Variants in PCDHA8 observed in about 807,000 individuals in gnomAD.
PCDHA8 encodes the protein protocadherin alpha 8, also known as protocadherin alpha-8.
Under a neutral mutation model 61.8 loss-of-function variants are expected in PCDHA8, and 53 were observed. The observed-to-expected ratio is 0.86, with a 90% CI of 0.69 to 1.08. The LOEUF is 1.08. PCDHA8 is among the 50% of genes least tolerant of loss of function. PCDHA8 has a pLI of 0.00. For missense variants in PCDHA8, 1,293 were observed against 1,245.0 expected (o/e 1.04, Z -0.58); for synonymous variants, 618 against 556.6 (o/e 1.11, Z -1.55).
At chr5:140,928,836 C>T (rs1554206380) in intron 1 of PCDHA8, 1 of 1,614,168 alleles carries the variant, frequency 6.2e-7, no homozygotes. Context: ...CACTTTCCTC[C>T]TCTGTCACTC....
intron 1 of PCDHA8, chr5:140,968,530 A>G (rs1554230830): frequency 6.2e-7 from 1 of 1,614,174 alleles, no homozygotes; most frequent in East Asian, 2.2e-5. Context: ...CCAACTCGTC[A>G]GCAGCCTTCG....
chr5:140,930,997 A>G (rs1355351475), intron 1 of PCDHA8, among the ~76,000 whole-genome samples: 3 of 152,198 alleles, frequency 2.0e-5, no homozygotes, highest in Admixed American at 1.3e-4. Context: ...GACCTACACT[A>G]ATAACATAAC....
rs1232037230 is a variant in PCDHA8 at position 140,844,720 on chromosome 5, C to T, written c.2394+1005C>T. On this transcript the variant is annotated intron_variant, in intron 1 of 3. Coordinates refer to ENST00000531613, the MANE Select transcript of PCDHA8 (RefSeq NM_018911.3). ...TTGGGATTATCATGGCCCATTAGTTCGTGTAAAAATATTTAGTATTATGGG... is the reference window on the plus strand; with the variant it reads ...TTGGGATTATCATGGCCCATTAGTTTGTGTAAAAATATTTAGTATTATGGG... Among the ~76,000 whole-genome samples the T allele has an allele frequency of 5.4e-5, 8 of 149,304 alleles. 1 individual carries two copies. Among genetic ancestry groups the T allele is most frequent in the East Asian group, 1.9e-4 (1 of 5,172 alleles).
chr5:140,842,020 G>A lies in PCDHA8; in HGVS notation c.699G>A (p.Leu233=). The A allele has an allele frequency of 6.2e-7, 1 of 1,613,768 alleles. No individual in the cohort carries two copies. Among genetic ancestry groups the A allele is most frequent in the South Asian group, 1.1e-5 (1 of 91,076 alleles). The part of the protein sequence containing the change: ...TGTVQLLVTV[L]DVNDNAPTFE... ...CTGTTCAGCTGCTGGTCACAGTGCT[G>A]GATGTGAATGATAATGCTCCCACTT... The change falls in exon 1 of 4, where the codon CTG becomes CTA. Residue 233 remains leucine (L), a synonymous_variant. Coordinates refer to ENST00000531613, the MANE Select transcript of PCDHA8 (RefSeq NM_018911.3).
chr5:140,849,832 C>A lies in PCDHA8; in HGVS notation c.2394+6117C>A, dbSNP rs145333813. On this transcript the variant is annotated intron_variant, in intron 1 of 3. Coordinates refer to ENST00000531613, the MANE Select transcript of PCDHA8 (RefSeq NM_018911.3). ...ACGGCCAGGGTGTCTGTGGAGGTGG[C>A]CGACGTGAACGACAACGCACCAGCG... 3.2e-4 allele frequency: 518 copies of A among 1,598,398 alleles called. 39 individuals carry two copies. In the African/African-American group the frequency reaches 4.3e-3, roughly 13 times the overall value.
At chr5:140,922,825 C>T (rs1554200979) in intron 1 of PCDHA8, among the ~76,000 whole-genome samples, 1 of 152,178 alleles carries the variant, frequency 6.6e-6, no homozygotes, top group Non-Finnish European at 1.5e-5. Context: ...CAGCATACTG[C>T]TAATAGATGT....
chr5:140,865,798 C>T (rs1467476362), intron 1 of PCDHA8: 1 of 152,146 alleles, frequency 6.6e-6, no homozygotes, highest in East Asian at 1.9e-4. Context: ...AGGCTTCAGA[C>T]TCATTCTTTT....
Position 140,850,846 on chromosome 5 carries a change from A to G in PCDHA8, c.2394+7131A>G, listed in dbSNP as rs1183689960. 8 of 1,596,424 alleles carry G rather than the reference A, an allele frequency of 5.0e-6. 2 individuals carry two copies. Among genetic ancestry groups the G allele is most frequent in the Non-Finnish European group, 6.0e-6 (7 of 1,166,358 alleles). On this transcript the variant is annotated intron_variant, in intron 1 of 3. Coordinates refer to ENST00000531613, the MANE Select transcript of PCDHA8 (RefSeq NM_018911.3). ...CTTTCTCCTTGTGCTGGATCTACAG[A>G]GCGAACGGGAGAACCCTCTGCTTCC...
chr5:140,869,903 C>G, intron 1 of PCDHA8: 1 of 1,610,648 alleles, frequency 6.2e-7, no homozygotes. Flanking sequence ...CTAAACGCCA[C>G]AGACCGAGAC....
chr5:140,883,870 G>T, intron 1 of PCDHA8: 1 of 1,613,302 alleles, frequency 6.2e-7, no homozygotes, highest in South Asian at 1.1e-5. Context: ...TGCAGTTCCA[G>T]GTGAGCGCGC....
intron 1 of PCDHA8, among the ~76,000 whole-genome samples, chr5:140,912,772 A>T (rs897864498): frequency 1.3e-5 from 2 of 152,190 alleles, no homozygotes; most frequent in South Asian, 4.1e-4. Flanking sequence ...ACTTTGAGGT[A>T]TGTCCCTTCT....
intron 1 of PCDHA8, among the ~76,000 whole-genome samples, chr5:140,855,328 G>C (rs1554147750): frequency 6.7e-6 from 1 of 149,766 alleles, no homozygotes; most frequent in East Asian, 1.9e-4. Context: ...GGAGGGAGAG[G>C]TTAAACGATT....
chr5:140,884,244 T>C, intron 1 of PCDHA8: 1 of 1,613,386 alleles, frequency 6.2e-7, no homozygotes, highest in Non-Finnish European at 8.5e-7. Flanking sequence ...GAGCCCGCGC[T>C]GACGGCCACG....
intron 1 of PCDHA8, chr5:140,864,839 G>T (rs1335962458): frequency 6.6e-6 from 1 of 152,156 alleles, no homozygotes; most frequent in African/African-American, 2.4e-5. Flanking sequence ...GTATAAGAGA[G>T]TCTTCCCATA....
chr5:140,887,197 C>T (rs1348316837), intron 1 of PCDHA8, among the ~76,000 whole-genome samples: 1 of 151,678 alleles, frequency 6.6e-6, no homozygotes, highest in Non-Finnish European at 1.5e-5. Flanking sequence ...CCCGGGTTCA[C>T]GCCATTCTCC....
chr5:140,857,222 G>A (rs373834853), intron 1 of PCDHA8: 1 of 1,598,456 alleles, frequency 6.3e-7, no homozygotes, highest in Non-Finnish European at 8.6e-7. Flanking sequence ...GACGCCTCAC[G>A]TTCCGTTCAA....
chr5:140,843,231 TGGACGAAGC>T lies in PCDHA8; in HGVS notation c.1915_1923del (p.Glu639_Asp641del). 1.8e-5 allele frequency: 29 copies of T among 1,596,108 alleles called. 2 individuals carry two copies. The highest frequency in any genetic ancestry group is 2.5e-5 in the Non-Finnish European group (29 of 1,165,604). The stretch of plus-strand genomic sequence containing the variant: ...GGCGAGATCAGCACCACTCGTGTCC[TGGACGAAGC>T]GGACTCTCCGCGCCACCGTCTGCTG... On this transcript the variant is annotated inframe_deletion, in exon 1 of 4. Transcript: ENST00000531613.
intron 1 of PCDHA8, among the ~76,000 whole-genome samples, chr5:140,941,795 T>G (rs1175900170): frequency 5.9e-5 from 9 of 152,226 alleles, no homozygotes; most frequent in Admixed American, 2.6e-4. Flanking sequence ...CCAAGAATAT[T>G]TAGTTGATTT....
intron 3 of PCDHA8, among the ~76,000 whole-genome samples, chr5:140,990,932 G>A (rs1161440839): frequency 6.6e-6 from 1 of 152,154 alleles, no homozygotes; most frequent in African/African-American, 2.4e-5. Flanking sequence ...ATCCCATACT[G>A]TTGCCTCCTG....
Sources: gnomAD v4.1 joint callset for allele counts (sites outside exome capture counted in the v4.1 genomes callset) on GRCh38, gnomAD v4.1.1 for gene constraint, MANE v1.5 for transcripts, NCBI Gene and HGNC (gene_info 2026-07-23, HGNC 2026-07-21) for gene names.